Variants in NEK10 observed in about 807,000 individuals in gnomAD.
NEK10 encodes serine/threonine-protein kinase Nek10.
NEK10 carries 122 observed loss-of-function variants against 159.8 expected under a neutral mutation model. The ratio of observed to expected loss-of-function variants is 0.76; its 90% CI spans 0.66 to 0.89. The LOEUF is 0.89. Ranked by LOEUF, NEK10 falls within the 40% of genes least tolerant of loss-of-function variation. The probability of loss-of-function intolerance (pLI) is 0.00; values close to 1 mark genes in which losing one functional copy is unlikely to be tolerated. For missense variants in NEK10, 1,342 were observed against 1,323.1 expected, an observed-to-expected ratio of 1.01 and a Z score of -0.22; for synonymous variants, 466 against 457.1, an observed-to-expected ratio of 1.02 and a Z score of -0.25.
At chr3:27,345,990 C>T (rs1489970384) in intron 4 of NEK10, 96 bp downstream of exon 4, 60 of 1,158,198 alleles carry the variant, frequency 5.2e-5, no homozygotes, top group Non-Finnish European at 7.0e-5. Context: ...AATTTTGAAG[C>T]GGGTTTTAAA....
At chr3:27,142,131 A>G (rs1943848391) in intron 30 of NEK10, among the ~76,000 whole-genome samples, 1 of 152,144 alleles carries the variant, frequency 6.6e-6, no homozygotes, top group African/African-American at 2.4e-5. Flanking sequence ...ATTTCTCTCC[A>G]TGTCTAAGTA....
At chr3:27,339,298 A>T (rs1281557916) in intron 5 of NEK10, among the ~76,000 whole-genome samples, 1 of 152,228 alleles carries the variant, frequency 6.6e-6, no homozygotes, top group Non-Finnish European at 1.5e-5. Flanking sequence ...CAATCTACCC[A>T]TCTGACAAAG....
intron 5 of NEK10, among the ~76,000 whole-genome samples, chr3:27,337,208 C>G (rs1231960670): frequency 6.6e-6 from 1 of 151,936 alleles, no homozygotes; most frequent in Non-Finnish European, 1.5e-5. Context: ...ATCAAGAGGA[C>G]AATCCTATTT....
In NEK10 at chr3:27,347,287, G is replaced by A. The variant is rs1426920519; in HGVS notation, c.133-1071C>T. On this transcript the variant is annotated intron_variant, in intron 3 of 35. Coordinates refer to ENST00000691995, the MANE Select transcript of NEK10 (RefSeq NM_001394966.1). ...CCCAGCACTTTGGGAGGCCCAGGTGGGTGGATCACCTGAGTTCGGGAGCCT... is the reference window on the plus strand; with the variant it reads ...CCCAGCACTTTGGGAGGCCCAGGTGAGTGGATCACCTGAGTTCGGGAGCCT... 2.0e-5 allele frequency among the ~76,000 whole-genome samples: 3 copies of A among 151,984 alleles called. No homozygotes were observed. The East Asian group carries it at 5.8e-4, about 29-fold the overall frequency.
chr3:27,149,538 G>A (rs1017465049), intron 30 of NEK10, among the ~76,000 whole-genome samples: 1 of 152,016 alleles, frequency 6.6e-6, no homozygotes, highest in Non-Finnish European at 1.5e-5. Context: ...CTGTGATGAC[G>A]GATCCTGCAT....
At chr3:27,306,460 C>T (rs2044252307) in intron 11 of NEK10, among the ~76,000 whole-genome samples, 1 of 152,140 alleles carries the variant, frequency 6.6e-6, no homozygotes, top group African/African-American at 2.4e-5. Flanking sequence ...CCTTCACGAA[C>T]TTTCCCAGCC....
chr3:27,270,119 GA>G (rs2041216281), intron 22 of NEK10, among the ~76,000 whole-genome samples: 1 of 152,172 alleles, frequency 6.6e-6, no homozygotes, highest in South Asian at 2.1e-4. Context: ...GAACGGATGA[GA>G]TGTTACTTCC....
In NEK10 at chr3:27,352,951, T is replaced by C; in HGVS notation, c.-37-32A>G. On this transcript the variant is annotated intron_variant, in intron 1 of 35. Coordinates refer to ENST00000691995, the MANE Select transcript of NEK10 (RefSeq NM_001394966.1). ...AATTAAACCAGAGGGAAAATTTTAGTTGGGTTGCGTGTGCCAAAATATTCT... is the reference window on the plus strand; with the variant it reads ...AATTAAACCAGAGGGAAAATTTTAGCTGGGTTGCGTGTGCCAAAATATTCT... 2.6e-6 allele frequency: 3 copies of C among 1,147,510 alleles called. No homozygotes were observed. In the South Asian group the frequency reaches 3.9e-5, roughly 15 times the overall value. The allele number at this position is 1,147,510 out of a possible 1,614,324, so 71.1% of individuals were successfully genotyped here.
chr3:27,312,873 A>C (rs568852889), intron 7 of NEK10, among the ~76,000 whole-genome samples: 3 of 152,342 alleles, frequency 2.0e-5, no homozygotes, highest in African/African-American at 4.8e-5. Flanking sequence ...TTTTCTAAGA[A>C]TATAATAAAA....
chr3:27,300,875 C>A (rs574300170), intron 13 of NEK10, among the ~76,000 whole-genome samples: 9 of 152,292 alleles, frequency 5.9e-5, no homozygotes, highest in African/African-American at 1.7e-4. Context: ...CTCCTATGTC[C>A]TTGTTTTCAC....
At chr3:27,250,329 G>A (rs528129669) in intron 23 of NEK10, among the ~76,000 whole-genome samples, 6 of 151,992 alleles carry the variant, frequency 3.9e-5, no homozygotes, top group Non-Finnish European at 7.4e-5. Flanking sequence ...TGGGACTACA[G>A]GCGCCCACCA....
chr3:27,306,199 C>A lies in NEK10; in HGVS notation c.804-1228G>T, dbSNP rs146403900. On this transcript the variant is annotated intron_variant, in intron 11 of 35. Transcript: ENST00000691995. ...GTCAATCAAGAGCTCTTAGTGTTTT[C>A]TATTTCCTGGGCAACGTTGGGATTC... 3.3e-5 allele frequency among the ~76,000 whole-genome samples: 5 copies of A among 152,262 alleles called. No individual in the cohort carries two copies. The East Asian group carries it at 9.7e-4, about 29-fold the overall frequency.
In NEK10 at chr3:27,316,484, G is replaced by T. The variant is rs139298265; in HGVS notation, c.448-2146C>A. Among the ~76,000 whole-genome samples, 255 of 152,150 alleles carry T rather than the reference G, an allele frequency of 1.7e-3. 7 individuals carry two copies. The highest frequency in any genetic ancestry group is 0.013 in the Admixed American group (200 of 15,272). On this transcript the variant is annotated intron_variant, in intron 6 of 35. Coordinates refer to ENST00000691995, the MANE Select transcript of NEK10 (RefSeq NM_001394966.1). ...TCTATTTTGGACATACTGCAGTGCC[G>T]CAGGCCCAGGTGAAAAAAATACAAC...
intron 14 of NEK10, 59 bp downstream of exon 14, chr3:27,297,120 C>G: frequency 9.3e-7 from 1 of 1,078,740 alleles, no homozygotes; most frequent in Non-Finnish European, 1.4e-6. Context: ...GACTGCACCA[C>G]AAGGTGAGTT....
chr3:27,118,294 G>A (rs1384351799), intron 33 of NEK10, among the ~76,000 whole-genome samples: 2 of 152,074 alleles, frequency 1.3e-5, no homozygotes, highest in African/African-American at 2.4e-5. Flanking sequence ...TGTCTTGCTG[G>A]ACAGACTTTA....
At chr3:27,126,188 C>T (rs1941925859) in intron 32 of NEK10, among the ~76,000 whole-genome samples, 2 of 152,120 alleles carry the variant, frequency 1.3e-5, no homozygotes, top group South Asian at 4.1e-4. Context: ...AAAGGAAGTG[C>T]CAGCTGCTAA....
chr3:27,162,849 T>C (rs1197595289), intron 29 of NEK10, 111 bp from the exon 30 acceptor site: 10 of 1,409,380 alleles, frequency 7.1e-6, no homozygotes, highest in Non-Finnish European at 9.7e-6. Context: ...GAGATTATTT[T>C]CCCTCAAGAT....
intron 1 of NEK10, among the ~76,000 whole-genome samples, chr3:27,362,576 G>C (rs900110512): frequency 6.6e-6 from 1 of 150,814 alleles, no homozygotes; most frequent in African/African-American, 2.4e-5. Flanking sequence ...TATTAGGTGG[G>C]CGCAAAAGTA....
chr3:27,187,423 T>C lies in NEK10; in HGVS notation c.2505+4606A>G, dbSNP rs548679783. ...GGTTCAAAACAAAATGATATATAATTATAGAAAATAAAGTTTCCATCTTGC... is the reference window on the plus strand; with the variant it reads ...GGTTCAAAACAAAATGATATATAATCATAGAAAATAAAGTTTCCATCTTGC... On this transcript the variant is annotated intron_variant, in intron 26 of 35. Transcript: ENST00000691995. Among the ~76,000 whole-genome samples, 27 of 152,190 alleles carry C rather than the reference T, an allele frequency of 1.8e-4. No homozygotes were observed. In the East Asian group the frequency reaches 5.0e-3, roughly 28 times the overall value.
Sources: gnomAD v4.1 joint callset for allele counts (sites outside exome capture counted in the v4.1 genomes callset) on GRCh38, gnomAD v4.1.1 for gene constraint, MANE v1.5 for transcripts, NCBI Gene and HGNC (gene_info 2026-07-23, HGNC 2026-07-21) for gene names.